UBR1: variants seen among roughly 807,000 people sequenced by gnomAD.
The protein encoded by UBR1 is E3 ubiquitin-protein ligase UBR1.
A neutral mutation model predicts 242.1 loss-of-function variants in UBR1; 102 were observed. That is an observed-to-expected ratio of 0.42 (90% CI 0.36 to 0.50). The LOEUF is 0.50. Ranked by LOEUF, UBR1 falls within the 20% of genes least tolerant of loss-of-function variation. The pLI, the probability that UBR1 is intolerant of heterozygous loss-of-function variation, is 0.01. For synonymous variants in UBR1, 675 were observed against 684.8 expected, an observed-to-expected ratio of 0.99 and a Z score of 0.22; for missense variants, 1,772 against 2,101.8, an observed-to-expected ratio of 0.84 and a Z score of 3.07.
chr15:43,031,850 G>A (rs1371384571), intron 20 of UBR1, among the ~76,000 whole-genome samples: 3 of 152,166 alleles, frequency 2.0e-5, no homozygotes, highest in East Asian at 1.9e-4. Flanking sequence ...GTGAAACCCC[G>A]TCTCTATTAA....
At chr15:42,965,149 T>C (rs532495212) in intron 41 of UBR1, among the ~76,000 whole-genome samples, 1 of 152,220 alleles carries the variant, frequency 6.6e-6, no homozygotes, top group East Asian at 1.9e-4. Flanking sequence ...TACAAGACCA[T>C]GAAAAACCTA....
rs549892751 is a variant in UBR1, at chr15:43,084,033, G to A, written c.339-1317C>T. Among the ~76,000 whole-genome samples the A allele has an allele frequency of 5.9e-5, 9 of 152,130 alleles. No homozygotes were observed. The South Asian group carries it at 1.9e-3, about 32-fold the overall frequency. On this transcript the variant is annotated intron_variant, in intron 2 of 46. Transcript: ENST00000290650. ...GTACTCTAGCCTAGGCAATAAGAGC[G>A]AAACTCTGTCTCAAAAACAAACAAA... is the stretch of plus-strand genomic sequence containing the variant.
At chr15:43,000,150 T>C (rs2032701103) in intron 32 of UBR1, among the ~76,000 whole-genome samples, 2 of 152,326 alleles carry the variant, frequency 1.3e-5, no homozygotes, top group South Asian at 2.1e-4. Flanking sequence ...ATATTCATGC[T>C]GATTTCCTAA....
intron 43 of UBR1, 25 bp from the exon 44 acceptor site, chr15:42,958,115 T>G: frequency 6.4e-7 from 1 of 1,570,052 alleles, no homozygotes; most frequent in East Asian, 2.2e-5. Context: ...AAAAGGCAAT[T>G]TTATTTTAGA....
intron 44 of UBR1, among the ~76,000 whole-genome samples, chr15:42,956,389 G>A (rs890326059): frequency 1.3e-5 from 2 of 152,146 alleles, no homozygotes; most frequent in Non-Finnish European, 2.9e-5. Flanking sequence ...GCACGATCTC[G>A]GCTCACTGCA....
At chr15:42,961,213 A>G (rs1326463514) in intron 42 of UBR1, among the ~76,000 whole-genome samples, 2 of 146,572 alleles carry the variant, frequency 1.4e-5, no homozygotes, top group Non-Finnish European at 3.0e-5. Flanking sequence ...CCCGTGTTCC[A>G]GTGATTCTCC....
At position 43,047,244 on chromosome 15, in the gene UBR1, C is replaced by G; in HGVS notation, c.1585G>C (p.Asp529His). The G allele has an allele frequency of 6.2e-7, 1 of 1,614,176 alleles. No individual in the cohort carries two copies. Among genetic ancestry groups the G allele is most frequent in the Non-Finnish European group, 8.5e-7 (1 of 1,180,034 alleles). Residue 529 changes from aspartate (D) to histidine (H), a missense_variant, in exon 14 of 47, where the codon GAT becomes CAT. Around this residue, in one of 3 missense-constraint regions of UBR1, gnomAD observed 734 missense variants for 893.3 expected, o/e 0.82. Coordinates refer to ENST00000290650, the MANE Select transcript of UBR1 (RefSeq NM_174916.3). ...GCAATGGCAGCCTCCCAATCAGGATCCACTTCAATGTGTTGCCCAACCTGT... is the reference window on the plus strand; with the variant it reads ...GCAATGGCAGCCTCCCAATCAGGATGCACTTCAATGTGTTGCCCAACCTGT... ...RRQVGQHIEV[D>H]PDWEAAIAIQ... is the part of the protein sequence containing the mutation.
intron 46 of UBR1, among the ~76,000 whole-genome samples, chr15:42,947,538 T>C (rs562977445): frequency 0.023 from 3,520 of 152,080 alleles, 72 homozygotes; most frequent in Non-Finnish European, 0.032. Context: ...GAAAACCCCA[T>C]TGTCTCAGCC....
Position 43,030,041 on chromosome 15 carries a change from T to C in UBR1, c.2282A>G (p.Asn761Ser). The stretch of plus-strand genomic sequence containing the variant: ...CATTGTGACCTCTTCTTTGGTCACA[T>C]TTCCCACTCCAGGTACATAACGCTC... ...VGERYVPGVG[N>S]VTKEEVTMRE... is the part of the protein sequence containing the mutation. Residue 761 changes from asparagine to serine, a missense_variant, in exon 21 of 47, where the codon AAT (asparagine) becomes AGT (serine). By Grantham distance (46) the Asn-to-Ser change is conservative (BLOSUM62 1). Around this residue, in one of 3 missense-constraint regions of UBR1, gnomAD observed 73 missense variants for 128.9 expected, o/e 0.57. Transcript: ENST00000290650. 1 of 1,614,008 alleles carries C rather than the reference T, an allele frequency of 6.2e-7. No individual in the cohort carries two copies. Among genetic ancestry groups the C allele is most frequent in the Non-Finnish European group, 8.5e-7 (1 of 1,179,940 alleles).
At chr15:43,047,625 A>T (rs765797936) in intron 13 of UBR1, among the ~76,000 whole-genome samples, 11 of 152,218 alleles carry the variant, frequency 7.2e-5, no homozygotes, top group Non-Finnish European at 1.3e-4. Flanking sequence ...ATTAGAAGCT[A>T]ACAAGTGAAG....
rs904654838 is a variant in UBR1, at chr15:42,943,563, A to G, written c.*1766T>C. ...TCTTGAGAGCCTAACTCCAGAATTT[A>G]TTAAGTTAATATAAAAAGGACTAAA... On this transcript the variant is annotated 3_prime_UTR_variant, in exon 47 of 47. Transcript: ENST00000290650. 1 of 152,288 alleles carries G rather than the reference A, an allele frequency of 6.6e-6. No homozygotes were observed. Among genetic ancestry groups the G allele is most frequent in the Non-Finnish European group, 1.5e-5 (1 of 68,044 alleles). The allele number at this position is 152,288 out of a possible 1,614,324, so 9.4% of individuals were successfully genotyped here.
intron 29 of UBR1, chr15:43,011,965 G>T (rs915911915): frequency 2.2e-6 from 1 of 449,092 alleles, no homozygotes. Flanking sequence ...AGTGGCTCAC[G>T]CCTGTAATCC....
chr15:43,086,029 A>C lies in UBR1; in HGVS notation c.293T>G (p.Leu98Arg), dbSNP rs1374216532. The change falls in exon 2 of 47, where the codon CTT (leucine) becomes CGT (arginine). Residue 98 changes from leucine to arginine, a missense_variant. This residue lies in a region of UBR1 where 734 missense variants were observed against 893.3 expected (regional missense o/e 0.82). Transcript: ENST00000290650. ...EKLKHSGAFQ[L>R]CGRVFKSGET... is the part of the protein sequence containing the mutation. ...TCCACTTTTGAAAACCCTCCCACAA[A>C]GCTGAAATGCTCCACTGTGCTTCAA... 1.2e-6 allele frequency: 2 copies of C among 1,614,016 alleles called. No homozygotes were observed. The highest frequency in any genetic ancestry group is 2.7e-5 in the African/African-American group (2 of 74,908).
At chr15:43,042,541 GT>G (rs1463479636) in intron 15 of UBR1, among the ~76,000 whole-genome samples, 1 of 152,054 alleles carries the variant, frequency 6.6e-6, no homozygotes, top group African/African-American at 2.4e-5. Context: ...GGGAGGTATT[GT>G]TTAGTAATAA....
At chr15:43,060,698 C>A (rs2141338380) in intron 6 of UBR1, among the ~76,000 whole-genome samples, 1 of 152,084 alleles carries the variant, frequency 6.6e-6, no homozygotes, top group African/African-American at 2.4e-5. Flanking sequence ...TACAATGACC[C>A]TATGAAGAAG....
intron 4 of UBR1, among the ~76,000 whole-genome samples, chr15:43,073,968 A>G (rs1417388497): frequency 6.6e-6 from 1 of 152,226 alleles, no homozygotes; most frequent in Non-Finnish European, 1.5e-5. Flanking sequence ...AAAACTATTT[A>G]TTCCTTGAAG....
intron 28 of UBR1, among the ~76,000 whole-genome samples, chr15:43,016,687 G>A (rs1018428511): frequency 3.9e-5 from 6 of 151,932 alleles, no homozygotes; most frequent in Admixed American, 1.3e-4. Context: ...AGTGATTTTC[G>A]TGCCTCAGCC....
intron 6 of UBR1, among the ~76,000 whole-genome samples, chr15:43,063,832 G>A (rs940856863): frequency 1.3e-5 from 2 of 152,038 alleles, no homozygotes; most frequent in Non-Finnish European, 2.9e-5. Flanking sequence ...CACCTCCTGG[G>A]TTCAAGTGAT....
chr15:43,087,463 G>A (rs1160561748), intron 1 of UBR1, among the ~76,000 whole-genome samples: 1 of 151,986 alleles, frequency 6.6e-6, no homozygotes, highest in Non-Finnish European at 1.5e-5. Context: ...TCCATAACAG[G>A]TCATTAAGGA....
Sources: gnomAD v4.1 joint callset for allele counts (sites outside exome capture counted in the v4.1 genomes callset) on GRCh38, gnomAD v4.1.1 for gene constraint, gnomAD v4.1.1 regional missense constraint, MANE v1.5 for transcripts, NCBI Gene and HGNC (gene_info 2026-07-23, HGNC 2026-07-21) for gene names.